Variants in GLS2 observed in about 807,000 individuals in gnomAD.
GLS2 encodes the protein glutaminase 2, also known as glutaminase liver isoform, mitochondrial.
A neutral mutation model predicts 79.0 loss-of-function variants in GLS2; 52 were observed. The ratio of observed to expected loss-of-function variants is 0.66; its 90% CI spans 0.53 to 0.83. The LOEUF is 0.83. Ranked by LOEUF, GLS2 falls within the 40% of genes least tolerant of loss-of-function variation. The probability of loss-of-function intolerance (pLI) is 0.00; values close to 1 mark genes in which losing one functional copy is unlikely to be tolerated. For synonymous variants in GLS2, 238 were observed against 280.8 expected (o/e 0.85, Z 1.52); for missense variants, 561 against 764.8 (o/e 0.73, Z 3.14).
chr12:56,471,405 CCATAGTATTTTT>C lies in GLS2; in HGVS notation c.*70_*81del. On this transcript the variant is annotated 3_prime_UTR_variant, in exon 18 of 18. Coordinates refer to ENST00000311966, the MANE Select transcript of GLS2 (RefSeq NM_013267.4). ...GTCCCCACTGAAGCAGTGTAGCTCTCCATAGTATTTTTGGTGGTTATGGATTACATGTGTGGC... is the reference window on the plus strand; with the variant it reads ...GTCCCCACTGAAGCAGTGTAGCTCTCGGTGGTTATGGATTACATGTGTGGC... The C allele has an allele frequency of 1.4e-5, 20 of 1,438,174 alleles. No individual in the cohort carries two copies. Among genetic ancestry groups the C allele is most frequent in the Admixed American group, 1.1e-4 (5 of 46,180 alleles). 89.1% of individuals were successfully genotyped at this position (1,438,174 alleles called of 1,614,324 possible). A position where few individuals can be genotyped will look rare whatever the true frequency, so the allele number is the denominator to read the frequency against.
chr12:56,484,875 G>T (rs1870562944), intron 1 of GLS2, among the ~76,000 whole-genome samples: 1 of 152,172 alleles, frequency 6.6e-6, no homozygotes. Context: ...GTATCAGCAT[G>T]TATTTTATGC....
intron 9 of GLS2, chr12:56,475,314 CA>C: frequency 7.6e-7 from 1 of 1,311,182 alleles, no homozygotes; most frequent in Non-Finnish European, 1.0e-6. Context: ...AAACCCAAAC[CA>C]AACACCCCAA....
In GLS2 at chr12:56,471,520, GGCCTCAGCTGCT is replaced by G. The variant is rs755860508; in HGVS notation, c.1764_1775del (p.Ala589_Ala592del). The stretch of plus-strand genomic sequence containing the variant: ...TGCTTTCTAAGTTCTCTTTGGACAG[GGCCTCAGCTGCT>G]GCCTCAGCCTGAGTTTCAGAGAGTG... On this transcript the variant is annotated inframe_deletion, in exon 18 of 18. Coordinates refer to ENST00000311966, the MANE Select transcript of GLS2 (RefSeq NM_013267.4). 1.9e-6 allele frequency: 3 copies of G among 1,614,024 alleles called. No individual in the cohort carries two copies. Among genetic ancestry groups the G allele is most frequent in the Non-Finnish European group, 2.5e-6 (3 of 1,179,976 alleles).
intron 12 of GLS2, 52 bp from the exon 13 acceptor site, chr12:56,473,646 A>T (rs781679296): frequency 6.4e-7 from 1 of 1,567,318 alleles, no homozygotes; most frequent in Admixed American, 1.8e-5. Flanking sequence ...CCAAATCAGA[A>T]AATAAACAAG....
intron 4 of GLS2, chr12:56,478,820 C>A: frequency 2.2e-6 from 1 of 454,310 alleles, no homozygotes; most frequent in Non-Finnish European, 3.9e-6. Flanking sequence ...TGGCAAAACC[C>A]CATCTCTACT....
chr12:56,486,909 T>TA (rs1870735789), intron 1 of GLS2, among the ~76,000 whole-genome samples: 1 of 151,250 alleles, frequency 6.6e-6, no homozygotes. Flanking sequence ...TAATAAATAA[T>TA]ACCTATTGGT....
At chr12:56,479,016 G>A in intron 4 of GLS2, 36 bp downstream of exon 4, 1 of 1,572,142 alleles carries the variant, frequency 6.4e-7, no homozygotes, top group Middle Eastern at 1.7e-4. Context: ...ATCTGGCCCA[G>A]GTCCCTGACC....
At position 56,475,058 on chromosome 12, in the gene GLS2, G is replaced by T. The variant is rs1209940647; in HGVS notation, c.982C>A (p.Leu328Ile). Residue 328 changes from leucine (L) to isoleucine (I), a missense_variant, in exon 10 of 18, where the codon CTC (leucine) becomes ATC (isoleucine). Leu to Ile is a conservative substitution (Grantham distance 5). Around this residue, in one of 4 missense-constraint regions of GLS2, gnomAD observed 221 missense variants for 275.6 expected, o/e 0.80. Coordinates refer to ENST00000311966, the MANE Select transcript of GLS2 (RefSeq NM_013267.4). ...GDRNYAIGYYLKEKKCFPKGV... is the reference protein window; with the variant it reads ...GDRNYAIGYYIKEKKCFPKGV... ...CTTCTGGTTACCTTCTTTTCCTTGA[G>T]ATAATAGCCGATGGCATAATTCCGA... 2 of 1,614,000 alleles carry T rather than the reference G, an allele frequency of 1.2e-6. No homozygotes were observed. Among genetic ancestry groups the T allele is most frequent in the Admixed American group, 1.7e-5 (1 of 59,982 alleles).
At chr12:56,486,111 T>C (rs1048326029) in intron 1 of GLS2, among the ~76,000 whole-genome samples, 1 of 151,746 alleles carries the variant, frequency 6.6e-6, no homozygotes, top group Non-Finnish European at 1.5e-5. Flanking sequence ...TTTGCTGCTC[T>C]CTTTCCTCCC....
At chr12:56,484,314 T>C (rs1373397104) in intron 1 of GLS2, among the ~76,000 whole-genome samples, 1 of 152,194 alleles carries the variant, frequency 6.6e-6, no homozygotes, top group East Asian at 1.9e-4. Flanking sequence ...CATCTCCTTC[T>C]ACAGAGATGA....
Position 56,471,534 on chromosome 12 carries a change from C to G in GLS2, c.1762G>C (p.Ala588Pro), listed in dbSNP as rs1401309541. 6.2e-7 allele frequency: 1 copy of G among 1,614,168 alleles called. No homozygotes were observed. Among genetic ancestry groups the G allele is most frequent in the Non-Finnish European group, 8.5e-7 (1 of 1,180,022 alleles). Reference sequence around the variant, plus strand: ...TCTTTGGACAGGGCCTCAGCTGCTGCCTCAGCCTGAGTTTCAGAGAGTGTG... The same window carrying G: ...TCTTTGGACAGGGCCTCAGCTGCTGGCTCAGCCTGAGTTTCAGAGAGTGTG... ...SYTLSETQAE[A>P]AAEALSKENL... The change falls in exon 18 of 18, where the codon GCA becomes CCA. Residue 588 changes from alanine (A) to proline (P), a missense_variant. By Grantham distance (27) the Ala-to-Pro change is conservative. Transcript: ENST00000311966.
At chr12:56,479,667 TA>T in intron 3 of GLS2, 112 bp downstream of exon 3, 1 of 1,225,880 alleles carries the variant, frequency 8.2e-7, no homozygotes, top group Non-Finnish European at 1.1e-6. Flanking sequence ...TAATAAGTAA[TA>T]AAATAAAATG....
Position 56,479,138 on chromosome 12 carries a change from T to C in GLS2, c.448A>G (p.Lys150Glu), listed in dbSNP as rs1870081417. 6.2e-7 allele frequency: 1 copy of C among 1,613,928 alleles called. No individual in the cohort carries two copies. Among genetic ancestry groups the C allele is most frequent in the Admixed American group, 1.7e-5 (1 of 59,970 alleles). ...NIVLLTQAFR[K>E]KFVIPDFEEF... is the part of the protein sequence containing the mutation. ...TCAAAATCAGGAATGACAAACTTCT[T>C]TCGGAATGCCTGGGTCAGGAGCACA... The change falls in exon 4 of 18, where the codon AAG (lysine) becomes GAG (glutamate). Residue 150 changes from lysine (K) to glutamate (E), a missense_variant. Physicochemically the swap from Lys to Glu is moderately conservative, Grantham distance 56. Transcript: ENST00000311966.
intron 14 of GLS2, 145 bp downstream of exon 14, chr12:56,473,083 G>T (rs1483452706): frequency 2.7e-6 from 2 of 728,690 alleles, no homozygotes; most frequent in Admixed American, 5.8e-5. Context: ...TAGAGACCAG[G>T]TTTCACCGTG....
intron 12 of GLS2, chr12:56,473,936 G>A: frequency 4.8e-6 from 1 of 209,516 alleles, no homozygotes; most frequent in Non-Finnish European, 9.6e-6. Flanking sequence ...TGAGAAGTAG[G>A]GTGCTGTAAA....
chr12:56,477,777 C>T lies in GLS2; in HGVS notation c.779-59G>A, dbSNP rs534737604. ...ACTGAACAAAGCCTCCCTGACAGCC[C>T]GCTCACTTTGTGGGTTAGACAAGAA... On this transcript the variant is annotated intron_variant, in intron 6 of 17. Transcript: ENST00000311966. 1.0e-4 allele frequency: 164 copies of T among 1,570,952 alleles called. No individual in the cohort carries two copies. In the East Asian group the frequency reaches 3.2e-3, roughly 31 times the overall value.
At chr12:56,482,663 T>C (rs1870386902) in intron 1 of GLS2, among the ~76,000 whole-genome samples, 1 of 152,202 alleles carries the variant, frequency 6.6e-6, no homozygotes, top group South Asian at 2.1e-4. Flanking sequence ...GGTCCCTGTG[T>C]CCCAAAGTAT....
intron 12 of GLS2, 111 bp from the exon 13 acceptor site, chr12:56,473,705 CACCTCA>C: frequency 2.2e-6 from 3 of 1,344,830 alleles, no homozygotes; most frequent in Non-Finnish European, 3.0e-6. Flanking sequence ...GACCACAATC[CACCTCA>C]ACCTTTTGGC....
Position 56,475,612 on chromosome 12 carries a change from G to C in GLS2, c.929+12C>G, listed in dbSNP as rs764884399. The C allele has an allele frequency of 8.1e-6, 13 of 1,613,626 alleles. No homozygotes were observed. Among genetic ancestry groups the C allele is most frequent in the Non-Finnish European group, 9.3e-6 (11 of 1,179,540 alleles). ...ACAATGCTTTCAGTCAGTCCTCTGA[G>C]TAGGGACTTACGTGGCATTGCTGAA... On this transcript the variant is annotated intron_variant, in intron 9 of 17. Coordinates refer to ENST00000311966, the MANE Select transcript of GLS2 (RefSeq NM_013267.4).
Sources: allele counts gnomAD v4.1 joint callset (sites outside exome capture counted in the v4.1 genomes callset), GRCh38; gene constraint gnomAD v4.1.1; regional missense constraint gnomAD v4.1.1; transcripts MANE v1.5; gene names NCBI Gene and HGNC (gene_info 2026-07-23, HGNC 2026-07-21).